The following PIEZO2 variants were observed in gnomAD, a reference collection of about 807,000 sequenced individuals.
PIEZO2 encodes piezo-type mechanosensitive ion channel component 2.
In PIEZO2, 172 loss-of-function variants were observed where a neutral mutation model predicts 337.3. The ratio of observed to expected loss-of-function variants is 0.51; its 90% CI spans 0.45 to 0.58. PIEZO2 has a LOEUF of 0.58. PIEZO2 is among the 20% of genes least tolerant of loss of function. PIEZO2 has a pLI of 0.00. For synonymous variants in PIEZO2, 1,251 were observed against 1,228.5 expected (o/e 1.02, Z -0.38); for missense variants, 3,028 against 3,391.3 (o/e 0.89, Z 2.66).
intron 2 of PIEZO2, among the ~76,000 whole-genome samples, chr18:11,006,917 A>G (rs1219540402): frequency 1.3e-5 from 2 of 152,162 alleles, no homozygotes; most frequent in Non-Finnish European, 2.9e-5. Flanking sequence ...ATAGTTTGAC[A>G]TTTTTATCAA....
intron 8 of PIEZO2, 69 bp downstream of exon 8, chr18:10,807,043 G>A: frequency 7.1e-7 from 1 of 1,416,788 alleles, no homozygotes. Context: ...GAGAACAGGA[G>A]TGAATCATTT....
Position 10,700,899 on chromosome 18 carries a change from T to G in PIEZO2, c.6441+1090A>C, listed in dbSNP as rs541972079. On this transcript the variant is annotated intron_variant, in intron 43 of 55. Coordinates refer to ENST00000674853, the MANE Select transcript of PIEZO2 (RefSeq NM_001378183.1). ...ACCTGCCACAACCCAATGACCCAGC[T>G]AAGGCTCCCTCCAAATGGAGGGTTT... is the stretch of plus-strand genomic sequence containing the variant. 3.3e-5 allele frequency among the ~76,000 whole-genome samples: 5 copies of G among 152,292 alleles called. No individual in the cohort carries two copies. In the East Asian group the frequency reaches 9.6e-4, roughly 29 times the overall value.
chr18:10,734,175 A>C (rs2036901328), intron 35 of PIEZO2, among the ~76,000 whole-genome samples: 1 of 152,256 alleles, frequency 6.6e-6, no homozygotes, highest in Admixed American at 6.5e-5. Context: ...CATTTAAATA[A>C]ATTCTAAAAT....
chr18:10,726,562 C>T lies in PIEZO2; in HGVS notation c.5029+4845G>A, dbSNP rs1204402250. 2.1e-6 allele frequency: 3 copies of T among 1,406,314 alleles called. No homozygotes were observed. In the African/African-American group the frequency reaches 4.3e-5, roughly 20 times the overall value. The allele number at this position is 1,406,314 out of a possible 1,614,324, so 87.1% of individuals were successfully genotyped here. ...CTGCTACACCAGCCGCCACGCTGTG[C>T]GTCTGTCCTTCCGCCAGCTCTTCCA... On this transcript the variant is annotated intron_variant, in intron 36 of 55. Coordinates refer to ENST00000674853, the MANE Select transcript of PIEZO2 (RefSeq NM_001378183.1). The surrounding 1 kb of genome is among the most constrained non-coding windows in gnomAD (Gnocchi z 5.9).
chr18:10,815,584 T>C lies in PIEZO2; in HGVS notation c.918-8310A>G, dbSNP rs758107511. On this transcript the variant is annotated intron_variant, in intron 7 of 55. Transcript: ENST00000674853. The surrounding 1 kb of genome is among the most constrained non-coding windows in gnomAD (Gnocchi z 4.1). ...AGCTACAGGGTCACCAGATTTCTTA[T>C]GTGATAGATATCAATTTCTTCCTTG... 2.0e-5 allele frequency among the ~76,000 whole-genome samples: 3 copies of C among 152,240 alleles called. No individual in the cohort carries two copies. Among genetic ancestry groups the C allele is most frequent in the Non-Finnish European group, 4.4e-5 (3 of 68,034 alleles).
chr18:10,773,131 C>T lies in PIEZO2; in HGVS notation c.2785+281G>A, dbSNP rs747722971. Among the ~76,000 whole-genome samples, 1 of 152,184 alleles carries T rather than the reference C, an allele frequency of 6.6e-6. No homozygotes were observed. Among genetic ancestry groups the T allele is most frequent in the Non-Finnish European group, 1.5e-5 (1 of 68,032 alleles). ...GAAACAGAGAGGCTCTGACTGAGGA[C>T]GTGGTCAACACCATGCCCCACCAGT... is the stretch of plus-strand genomic sequence containing the variant. On this transcript the variant is annotated intron_variant, in intron 20 of 55. Transcript: ENST00000674853. This position sits in a 1 kb window ranked among gnomAD's most constrained non-coding sequence, Gnocchi z 5.3.
At chr18:10,722,306 C>CTG (rs1248402144) in intron 36 of PIEZO2, among the ~76,000 whole-genome samples, 26 of 151,758 alleles carry the variant, frequency 1.7e-4, no homozygotes, top group African/African-American at 6.0e-4. Flanking sequence ...TCTCAGCTCA[C>CTG]TGCAACCTCC....
At chr18:10,886,555 C>A (rs1021806057) in intron 4 of PIEZO2, among the ~76,000 whole-genome samples, 8 of 104,388 alleles carry the variant, frequency 7.7e-5, no homozygotes, top group Non-Finnish European at 1.2e-4. Context: ...GCCTATGATA[C>A]AGGTTAATTT....
chr18:11,036,897 T>C (rs1041306246), intron 2 of PIEZO2, among the ~76,000 whole-genome samples: 90 of 152,330 alleles, frequency 5.9e-4, no homozygotes, highest in African/African-American at 2.2e-3. Flanking sequence ...TTGCAATAGA[T>C]ATAAACTCCA....
intron 2 of PIEZO2, among the ~76,000 whole-genome samples, chr18:11,023,455 C>T (rs904625119): frequency 6.6e-6 from 1 of 152,196 alleles, no homozygotes; most frequent in Admixed American, 6.5e-5. Flanking sequence ...CTGAGCTAGA[C>T]ACAGCGTGCT....
At chr18:11,137,575 C>T (rs939822462) in intron 1 of PIEZO2, among the ~76,000 whole-genome samples, 2 of 152,214 alleles carry the variant, frequency 1.3e-5, no homozygotes, top group East Asian at 3.9e-4. Flanking sequence ...AACCTGGGCC[C>T]TTTCCAACCT....
At chr18:10,889,222 T>A (rs142377186) in intron 4 of PIEZO2, among the ~76,000 whole-genome samples, 234 of 152,262 alleles carry the variant, frequency 1.5e-3, no homozygotes, top group African/African-American at 5.0e-3. Flanking sequence ...GTACTATCAG[T>A]TTTTTCCCCT....
rs1486705752 is a variant in PIEZO2 at position 11,112,166 on chromosome 18, T to C, written c.64+36359A>G. Among the ~76,000 whole-genome samples, 1 of 152,242 alleles carries C rather than the reference T, an allele frequency of 6.6e-6. No homozygotes were observed. The highest frequency in any genetic ancestry group is 2.4e-5 in the African/African-American group (1 of 41,476). On this transcript the variant is annotated intron_variant, in intron 1 of 55. Coordinates refer to ENST00000674853, the MANE Select transcript of PIEZO2 (RefSeq NM_001378183.1). This position sits in a 1 kb window ranked among gnomAD's most constrained non-coding sequence, Gnocchi z 4.3. ...AACCAGATACTCATATTTATGTATG[T>C]ATTTCTAATTTAAGTAATCCTCTAG...
intron 3 of PIEZO2, among the ~76,000 whole-genome samples, chr18:10,965,267 T>G (rs1003229506): frequency 6.6e-6 from 1 of 152,254 alleles, no homozygotes; most frequent in Non-Finnish European, 1.5e-5. Flanking sequence ...AGCTCCAGTT[T>G]CTCCACATTC....
At chr18:10,778,623 C>T (rs1426485507) in intron 18 of PIEZO2, among the ~76,000 whole-genome samples, 1 of 151,972 alleles carries the variant, frequency 6.6e-6, no homozygotes, top group Non-Finnish European at 1.5e-5. Context: ...TGAGCCACCA[C>T]ACCCGGCCTC....
intron 1 of PIEZO2, among the ~76,000 whole-genome samples, chr18:11,130,876 G>C (rs948573730): frequency 1.3e-5 from 2 of 152,216 alleles, no homozygotes; most frequent in Non-Finnish European, 2.9e-5. Flanking sequence ...CATTCTGAGT[G>C]GGGTACAGAA....
chr18:10,725,357 G>A, intron 36 of PIEZO2: 1 of 1,605,876 alleles, frequency 6.2e-7, no homozygotes. Flanking sequence ...AAGACCTGCT[G>A]TCCCAGGCGG....
intron 4 of PIEZO2, among the ~76,000 whole-genome samples, chr18:10,898,839 G>T (rs796546169): frequency 1.3e-5 from 2 of 152,232 alleles, no homozygotes; most frequent in African/African-American, 4.8e-5. Context: ...GCGTGGTATA[G>T]GAGCAATGTC....
At chr18:11,017,834 T>C (rs1013604404) in intron 2 of PIEZO2, among the ~76,000 whole-genome samples, 3 of 152,336 alleles carry the variant, frequency 2.0e-5, no homozygotes, top group Admixed American at 1.3e-4. Flanking sequence ...AACAATGTAC[T>C]ACAAACTGAG....
Sources: allele counts gnomAD v4.1 joint callset (sites outside exome capture counted in the v4.1 genomes callset), GRCh38; gene constraint gnomAD v4.1.1; non-coding constraint Gnocchi (gnomAD v3.1); transcripts MANE v1.5; gene names NCBI Gene and HGNC (gene_info 2026-07-23, HGNC 2026-07-21).